The following CLYBL variants were observed in gnomAD, a reference collection of about 807,000 sequenced individuals.
The protein encoded by CLYBL is citramalyl-CoA lyase, mitochondrial.
A neutral mutation model predicts 38.9 loss-of-function variants in CLYBL; 31 were observed. The observed-to-expected ratio is 0.80, with a 90% CI of 0.60 to 1.08. The LOEUF (loss-of-function observed/expected upper bound fraction) is 1.08, where lower values mean the gene tolerates loss of function less well. Ranked by LOEUF, CLYBL falls within the 50% of genes least tolerant of loss-of-function variation. The pLI is 0.00. For synonymous variants in CLYBL, 171 were observed against 158.6 expected, an observed-to-expected ratio of 1.08 and a Z score of -0.59; for missense variants, 434 against 411.6, an observed-to-expected ratio of 1.05 and a Z score of -0.47.
intron 1 of CLYBL, among the ~76,000 whole-genome samples, chr13:99,653,586 G>C (rs2047286563): frequency 6.6e-6 from 1 of 152,172 alleles, no homozygotes; most frequent in Non-Finnish European, 1.5e-5. Context: ...ACGTGCATCT[G>C]TTTGGAAATT....
intron 8 of CLYBL, chr13:99,892,168 A>G (rs2052505941): frequency 6.6e-6 from 1 of 152,188 alleles, no homozygotes; most frequent in African/African-American, 2.4e-5. Context: ...ACTGTTTGCC[A>G]TTGAGGCTAT....
At chr13:99,901,654 T>TTG (rs1555327301), downstream of CLYBL, among the ~76,000 whole-genome samples, 9 of 141,992 alleles carry the variant, frequency 6.3e-5, no homozygotes, top group East Asian at 4.0e-4. Flanking sequence ...TGTTTTTTTT[T>TTG]TTTGTTTGTT....
At chr13:99,808,900 T>C (rs1361114013) in intron 2 of CLYBL, among the ~76,000 whole-genome samples, 1 of 152,214 alleles carries the variant, frequency 6.6e-6, no homozygotes, top group Non-Finnish European at 1.5e-5. Flanking sequence ...TAAAGTACAG[T>C]TGCTGACTTA....
chr13:99,840,553 T>G (rs1653256801), intron 2 of CLYBL, among the ~76,000 whole-genome samples: 1 of 151,056 alleles, frequency 6.6e-6, no homozygotes, highest in Admixed American at 6.6e-5. Context: ...GGCACAAGAG[T>G]TAGAGACCAG....
At position 99,866,451 on chromosome 13, in the gene CLYBL, T is replaced by A. The variant is rs1051980184; in HGVS notation, c.802+44T>A. 6 of 1,571,556 alleles carry A rather than the reference T, an allele frequency of 3.8e-6. No individual in the cohort carries two copies. The African/African-American group carries it at 8.3e-5, about 22-fold the overall frequency. The stretch of plus-strand genomic sequence containing the variant: ...AAAGCAGTGTCTAAATTAGCAAGCA[T>A]TCCAGAAAAATAGAAATTTGACCCG... On this transcript the variant is annotated intron_variant, in intron 6 of 8. Coordinates refer to ENST00000339105, the MANE Select transcript of CLYBL (RefSeq NM_206808.5).
At chr13:99,643,577 T>G (rs1385718319) in intron 1 of CLYBL, among the ~76,000 whole-genome samples, 1 of 152,228 alleles carries the variant, frequency 6.6e-6, no homozygotes, top group African/African-American at 2.4e-5. Flanking sequence ...GTTGTGAGAC[T>G]CAATGTCAGT....
Position 99,608,229 on chromosome 13 carries a change from T to A in CLYBL, c.62+1472T>A, listed in dbSNP as rs528155338. On this transcript the variant is annotated intron_variant, in intron 1 of 8. Coordinates refer to ENST00000339105, the MANE Select transcript of CLYBL (RefSeq NM_206808.5). ...TGGGATTACAGGGCGTCCGCCACCATGCCCGGCTAATTTTTGTATTTTTAA... is the reference window on the plus strand; with the variant it reads ...TGGGATTACAGGGCGTCCGCCACCAAGCCCGGCTAATTTTTGTATTTTTAA... Among the ~76,000 whole-genome samples the A allele has an allele frequency of 7.8e-4, 118 of 151,986 alleles. 1 individual carries two copies. Among genetic ancestry groups the A allele is most frequent in the African/African-American group, 2.7e-3 (114 of 41,456 alleles).
intron 1 of CLYBL, among the ~76,000 whole-genome samples, chr13:99,671,578 G>A (rs568782120): frequency 9.2e-5 from 14 of 152,230 alleles, no homozygotes; most frequent in Non-Finnish European, 2.1e-4. Context: ...TCAGGAGTTT[G>A]AGACCGGCCT....
rs183841090 is a variant in CLYBL at position 99,753,257 on chromosome 13, T to A, written c.63-19567T>A. 1.9e-4 allele frequency among the ~76,000 whole-genome samples: 29 copies of A among 152,018 alleles called. No homozygotes were observed. The East Asian group carries it at 4.7e-3, about 24-fold the overall frequency. On this transcript the variant is annotated intron_variant, in intron 1 of 8. Transcript: ENST00000339105. ...TGCCAATCTGGGTGAGACATTTGGT[T>A]TTTAATGTGAGAACACTGGGAAGCC...
In CLYBL at chr13:99,670,731, C is replaced by T. The variant is rs118031904; in HGVS notation, c.62+63974C>T. ...ACCCCCTGATCTTAGCTACACCTTC[C>T]GTGGTCCTTTTCTACCATTCAGCTT... is the stretch of plus-strand genomic sequence containing the variant. On this transcript the variant is annotated intron_variant, in intron 1 of 8. Transcript: ENST00000339105. Among the ~76,000 whole-genome samples the T allele has an allele frequency of 3.2e-3, 491 of 152,244 alleles. 3 individuals carry two copies. The highest frequency in any genetic ancestry group is 5.5e-3 in the Non-Finnish European group (377 of 68,028).
At chr13:99,908,763 CCA>C (rs1259099934) in exon 10 of CLYBL, among the ~76,000 whole-genome samples, 1 of 152,134 alleles carries the variant, frequency 6.6e-6, no homozygotes, top group Non-Finnish European at 1.5e-5. Flanking sequence ...TTGGATTTAA[CCA>C]CAGAGGCAGA....
At chr13:99,777,469 T>G (rs2049542616) in intron 2 of CLYBL, among the ~76,000 whole-genome samples, 1 of 150,962 alleles carries the variant, frequency 6.6e-6, no homozygotes, top group African/African-American at 2.4e-5. Flanking sequence ...GTACTGAGAA[T>G]TTTCTTTCTT....
At chr13:99,709,676 T>C (rs924307947) in intron 1 of CLYBL, among the ~76,000 whole-genome samples, 2 of 152,158 alleles carry the variant, frequency 1.3e-5, no homozygotes, top group Admixed American at 1.3e-4. Flanking sequence ...AAGCTTGATT[T>C]TTCTTTCTTT....
At chr13:99,680,313 T>C (rs1199818486) in intron 1 of CLYBL, among the ~76,000 whole-genome samples, 2 of 152,230 alleles carry the variant, frequency 1.3e-5, no homozygotes, top group Non-Finnish European at 2.9e-5. Context: ...CATAAAAACG[T>C]ACTCCAATTT....
At chr13:99,674,476 G>A (rs183047335) in intron 1 of CLYBL, among the ~76,000 whole-genome samples, 3 of 152,140 alleles carry the variant, frequency 2.0e-5, no homozygotes, top group Non-Finnish European at 4.4e-5. Flanking sequence ...CTAAGTGGAG[G>A]TATGAAGTAG....
In CLYBL at chr13:99,833,007, C is replaced by CATACATATATATATATATATAT. The variant is rs1189179465; in HGVS notation, c.250-25851_250-25850insCATATATATATATATATATATA. The stretch of plus-strand genomic sequence containing the variant: ...TAAGTAGTATATACATACATACATA[C>CATACATATATATATATATATAT]ATATATATATATATATATATATATT... On this transcript the variant is annotated intron_variant, in intron 2 of 8. Transcript: ENST00000339105. Among the ~76,000 whole-genome samples, 23 of 51,566 alleles carry CATACATATATATATATATATAT rather than the reference C, an allele frequency of 4.5e-4. No individual in the cohort carries two copies. In the East Asian group the frequency reaches 6.2e-3, roughly 14 times the overall value. The allele number at this position is 51,566 out of a possible 152,430, so 33.8% of individuals were successfully genotyped here.
chr13:99,795,697 G>T (rs182723811), intron 2 of CLYBL, among the ~76,000 whole-genome samples: 195 of 152,204 alleles, frequency 1.3e-3, no homozygotes, highest in African/African-American at 4.6e-3. Flanking sequence ...TCTGTCAAAA[G>T]AGCTCAAAAG....
chr13:99,649,954 A>G (rs1285207993), intron 1 of CLYBL, among the ~76,000 whole-genome samples: 1 of 151,542 alleles, frequency 6.6e-6, no homozygotes, highest in Non-Finnish European at 1.5e-5. Context: ...TCATCCCTAC[A>G]AAAAATTTTT....
intron 1 of CLYBL, among the ~76,000 whole-genome samples, chr13:99,735,480 G>T (rs1320830871): frequency 6.6e-6 from 1 of 151,112 alleles, no homozygotes; most frequent in Non-Finnish European, 1.5e-5. Flanking sequence ...ATAGGTGTGA[G>T]CCACCACACC....
Sources: gnomAD v4.1 joint callset for allele counts (sites outside exome capture counted in the v4.1 genomes callset) on GRCh38, gnomAD v4.1.1 for gene constraint, MANE v1.5 for transcripts, NCBI Gene and HGNC (gene_info 2026-07-23, HGNC 2026-07-21) for gene names.